The following THSD4 variants were observed in gnomAD, a reference collection of about 807,000 sequenced individuals.
The protein encoded by THSD4 is thrombospondin type-1 domain-containing protein 4.
THSD4 carries 69 observed loss-of-function variants against 119.0 expected under a neutral mutation model. The ratio of observed to expected loss-of-function variants is 0.58; its 90% confidence interval spans 0.48 to 0.71. The LOEUF (loss-of-function observed/expected upper bound fraction) is 0.71, where lower values mean the gene tolerates loss of function less well. Ranked by LOEUF, THSD4 falls within the 30% of genes least tolerant of loss-of-function variation. The probability of loss-of-function intolerance (pLI) is 0.00; values close to 1 mark genes in which losing one functional copy is unlikely to be tolerated. For synonymous variants in THSD4, 524 were observed against 540.4 expected (o/e 0.97, Z 0.42); for missense variants, 1,393 against 1,391.1 (o/e 1.00, Z -0.02).
At chr15:71,276,622 A>G (rs1436360111) in intron 6 of THSD4, among the ~76,000 whole-genome samples, 1 of 152,192 alleles carries the variant, frequency 6.6e-6, no homozygotes, top group East Asian at 1.9e-4. Flanking sequence ...CTAGGTGCCG[A>G]TTAATCCTGC....
At chr15:71,712,889 G>A (rs1401342180) in intron 8 of THSD4, among the ~76,000 whole-genome samples, 6 of 152,318 alleles carry the variant, frequency 3.9e-5, no homozygotes, top group African/African-American at 1.2e-4. Context: ...AAAACCCATA[G>A]GTGTGGAGAA....
chr15:71,486,040 TA>T (rs1382400781), intron 7 of THSD4, among the ~76,000 whole-genome samples: 1 of 152,226 alleles, frequency 6.6e-6, no homozygotes, highest in Non-Finnish European at 1.5e-5. Flanking sequence ...CCTCTCCTGC[TA>T]AAATAATTGC....
At chr15:71,593,144 G>GGTGACCTTTTAAAAGCACCCTAACT (rs1353727997) in intron 7 of THSD4, among the ~76,000 whole-genome samples, 27 of 44,728 alleles carry the variant, frequency 6.0e-4, no homozygotes, top group Admixed American at 1.4e-3. Flanking sequence ...GAGCCTGTAG[G>GGTGACCTTTTAAAAGCACCCTAACT]CCGGGCGCGG....
chr15:71,764,511 T>A (rs1188881053), intron 15 of THSD4, among the ~76,000 whole-genome samples: 1 of 152,260 alleles, frequency 6.6e-6, no homozygotes, highest in Non-Finnish European at 1.5e-5. Context: ...AGGGGAGGGT[T>A]GACCATAGGG....
chr15:71,655,164 C>G (rs987149188), intron 7 of THSD4, among the ~76,000 whole-genome samples: 29 of 152,282 alleles, frequency 1.9e-4, no homozygotes, highest in Middle Eastern at 3.4e-3. Flanking sequence ...GTCTTTGTAA[C>G]AGCAAGAAAT....
chr15:71,727,543 AAAAAAAAAAAAT>A, intron 8 of THSD4, among the ~76,000 whole-genome samples: 1 of 39,880 alleles, frequency 2.5e-5, no homozygotes, highest in African/African-American at 7.8e-5. Flanking sequence ...AAAAAAAAAA[AAAAAAAAAAAAT>A]ATATATATAT....
chr15:71,119,745 G>T (rs889475354), intron 1 of THSD4, among the ~76,000 whole-genome samples: 2 of 152,208 alleles, frequency 1.3e-5, no homozygotes, highest in African/African-American at 4.8e-5. Context: ...AATAGGGCTG[G>T]ACAGGCAAAG....
intron 6 of THSD4, among the ~76,000 whole-genome samples, chr15:71,404,826 A>C (rs958361983): frequency 2.0e-5 from 3 of 151,956 alleles, no homozygotes; most frequent in Non-Finnish European, 2.9e-5. Flanking sequence ...CTTAGAAATA[A>C]ATTTCTGTTG....
intron 6 of THSD4, among the ~76,000 whole-genome samples, chr15:71,355,693 G>A (rs2045800544): frequency 6.6e-6 from 1 of 152,102 alleles, no homozygotes; most frequent in Admixed American, 6.6e-5. Flanking sequence ...CAGTCAGGCT[G>A]GGTCTGTGGA....
chr15:71,130,423 G>A (rs937349505), intron 1 of THSD4, among the ~76,000 whole-genome samples: 1 of 152,132 alleles, frequency 6.6e-6, no homozygotes, highest in African/African-American at 2.4e-5. Context: ...CTGAGCTCAA[G>A]TAATTCTCAA....
At chr15:71,111,671 C>T (rs1160549202), upstream of THSD4, 1 of 556,814 alleles carries the variant, frequency 1.8e-6, no homozygotes, top group Non-Finnish European at 3.2e-6. Context: ...CGTGATGGAT[C>T]CTGGTACCTC....
chr15:71,598,078 C>T (rs1285277044), intron 7 of THSD4, among the ~76,000 whole-genome samples: 3 of 152,002 alleles, frequency 2.0e-5, no homozygotes, highest in Non-Finnish European at 4.4e-5. Context: ...GCAGGCTAAG[C>T]TGAGCAAAGA....
chr15:71,459,360 CTCTG>C (rs1358186571), intron 7 of THSD4, among the ~76,000 whole-genome samples: 54 of 117,186 alleles, frequency 4.6e-4, no homozygotes, highest in East Asian at 2.1e-3. Context: ...CTCTCTCTCT[CTCTG>C]TCTCTCTGTC....
chr15:71,500,964 T>C (rs1357244538), intron 7 of THSD4, among the ~76,000 whole-genome samples: 4 of 152,238 alleles, frequency 2.6e-5, no homozygotes, highest in Non-Finnish European at 4.4e-5. Context: ...TTCAGGGTCC[T>C]TGGTGGTTCC....
At chr15:71,214,169 C>T (rs144424022) in intron 3 of THSD4, among the ~76,000 whole-genome samples, 4,535 of 144,718 alleles carry the variant, frequency 0.031, 222 homozygotes, top group African/African-American at 0.12. Flanking sequence ...TAAAATGGAC[C>T]GATCAGCACT....
chr15:71,203,446 G>T (rs2043819104), intron 3 of THSD4, among the ~76,000 whole-genome samples: 1 of 152,236 alleles, frequency 6.6e-6, no homozygotes, highest in African/African-American at 2.4e-5. Flanking sequence ...CTTGAGGTCA[G>T]GAGTTCAAGA....
intron 8 of THSD4, among the ~76,000 whole-genome samples, chr15:71,661,714 A>T (rs577393065): frequency 2.6e-5 from 4 of 152,148 alleles, no homozygotes; most frequent in Non-Finnish European, 5.9e-5. Context: ...ATTACTTTTT[A>T]TGAATTTCTA....
In THSD4 at chr15:71,401,166, C is replaced by G. The variant is rs988800048; in HGVS notation, c.1016-10521C>G. On this transcript the variant is annotated intron_variant, in intron 6 of 17. Coordinates refer to ENST00000261862, the MANE Select transcript of THSD4 (RefSeq NM_024817.3). ...AGCAAAGCTCCCTAAAATCCAAAAC[C>G]TCAACACTTTAGCAATATTTTGCTT... Among the ~76,000 whole-genome samples the G allele has an allele frequency of 2.0e-5, 3 of 152,166 alleles. No homozygotes were observed. The South Asian group carries it at 6.2e-4, about 32-fold the overall frequency.
Position 71,136,068 on chromosome 15 carries a change from C to T in THSD4, c.-79-5381C>T, listed in dbSNP as rs544229688. Among the ~76,000 whole-genome samples, 7 of 147,228 alleles carry T rather than the reference C, an allele frequency of 4.8e-5. No homozygotes were observed. The East Asian group carries it at 1.4e-3, about 29-fold the overall frequency. On this transcript the variant is annotated intron_variant, in intron 1 of 17. Transcript: ENST00000261862. Reference sequence around the variant, plus strand: ...CTCAACCAATCATCTTTCCCCAAACCCCGTTACTTATCCAGGTGCTGGTTC... The same window carrying T: ...CTCAACCAATCATCTTTCCCCAAACTCCGTTACTTATCCAGGTGCTGGTTC...
Sources: allele counts gnomAD v4.1 joint callset (sites outside exome capture counted in the v4.1 genomes callset), GRCh38; gene constraint gnomAD v4.1.1; transcripts MANE v1.5; gene names NCBI Gene and HGNC (gene_info 2026-07-23, HGNC 2026-07-21).